The following BLTP3B variants were observed in gnomAD, a reference collection of about 807,000 sequenced individuals.
BLTP3B encodes bridge-like lipid transfer protein family member 3B.
chr12:100,118,473 G>C, the BLTP3B span, among the ~76,000 whole-genome samples: 1 of 152,034 alleles, frequency 6.6e-6, no homozygotes, highest in African/African-American at 2.4e-5. Context: ...ACAACCAAGA[G>C]GAGCCTAAAA....
the BLTP3B span, among the ~76,000 whole-genome samples, chr12:100,061,483 C>A: frequency 6.6e-6 from 1 of 152,082 alleles, no homozygotes; most frequent in Non-Finnish European, 1.5e-5. Context: ...CAGTGAAACC[C>A]CGTCTCTACT....
chr12:100,087,050 T>A, the BLTP3B span, among the ~76,000 whole-genome samples: 2 of 149,620 alleles, frequency 1.3e-5, no homozygotes, highest in African/African-American at 5.0e-5. Flanking sequence ...TCCCAGCTAC[T>A]TGGGAGGCTG....
chr12:100,081,318 A>C, the BLTP3B span, among the ~76,000 whole-genome samples: 1 of 152,176 alleles, frequency 6.6e-6, no homozygotes, highest in Non-Finnish European at 1.5e-5. Context: ...AATATATTTC[A>C]GTGGTTCTGT....
the BLTP3B span, chr12:100,047,403 T>C: frequency 1.6e-6 from 1 of 620,956 alleles, no homozygotes; most frequent in Non-Finnish European, 2.8e-6. Context: ...GAGGTTTAGG[T>C]AGGAGAATCA....
At chr12:100,059,919 C>T in the BLTP3B span, 2 of 1,612,512 alleles carry the variant, frequency 1.2e-6, no homozygotes, top group Non-Finnish European at 1.7e-6. Context: ...TCAACTTGTA[C>T]ACAGCCATGA....
At chr12:100,140,498 G>A in the BLTP3B span, among the ~76,000 whole-genome samples, 13 of 151,468 alleles carry the variant, frequency 8.6e-5, no homozygotes, top group Non-Finnish European at 1.3e-4. Context: ...CTGAGGTTGG[G>A]AGTTTGAGAC....
At chr12:100,051,732 A>G in the BLTP3B span, 1 of 152,276 alleles carries the variant, frequency 6.6e-6, no homozygotes, top group Non-Finnish European at 1.5e-5. Flanking sequence ...AGGGGTTAAG[A>G]AGACATCTCT....
the BLTP3B span, among the ~76,000 whole-genome samples, chr12:100,046,229 T>C: frequency 2.0e-5 from 3 of 152,184 alleles, no homozygotes; most frequent in Admixed American, 2.0e-4. Context: ...TTACTGGCTA[T>C]ATACCCAAAG....
At chr12:100,139,222 A>G in the BLTP3B span, among the ~76,000 whole-genome samples, 1 of 152,260 alleles carries the variant, frequency 6.6e-6, no homozygotes, top group African/African-American at 2.4e-5. Context: ...AGGAACAAGT[A>G]TATAGATTTA....
the BLTP3B span, among the ~76,000 whole-genome samples, chr12:100,040,757 ATAACTACC>A: frequency 6.6e-6 from 1 of 152,212 alleles, no homozygotes; most frequent in Non-Finnish European, 1.5e-5. Context: ...TAAAAAGACA[ATAACTACC>A]TAAATAGCCT....
At chr12:100,129,392 G>A in the BLTP3B span, among the ~76,000 whole-genome samples, 2 of 152,136 alleles carry the variant, frequency 1.3e-5, no homozygotes, top group Non-Finnish European at 2.9e-5. Context: ...TTCTATGGAG[G>A]CCAAAGTAGT....
chr12:100,100,489 T>C, the BLTP3B span, among the ~76,000 whole-genome samples: 389 of 152,022 alleles, frequency 2.6e-3, 2 homozygotes, highest in African/African-American at 8.7e-3. Flanking sequence ...GGGAGGAGGA[T>C]TGCTTGAGCC....
At chr12:100,130,961 T>TATAG in the BLTP3B span, among the ~76,000 whole-genome samples, 62 of 93,606 alleles carry the variant, frequency 6.6e-4, no homozygotes, top group African/African-American at 1.7e-3. Flanking sequence ...TATATATATA[T>TATAG]AGAGAGAGAG....
At chr12:100,061,453 C>T in the BLTP3B span, among the ~76,000 whole-genome samples, 1 of 151,916 alleles carries the variant, frequency 6.6e-6, no homozygotes, top group Non-Finnish European at 1.5e-5. Context: ...GTCAGGAGAT[C>T]GAGACCATCC....
the BLTP3B span, among the ~76,000 whole-genome samples, chr12:100,113,621 C>T: frequency 1.3e-5 from 2 of 152,012 alleles, no homozygotes; most frequent in East Asian, 3.9e-4. Context: ...TAGTTATGAT[C>T]CCCAATATGA....
At chr12:100,053,167 G>A in the BLTP3B span, among the ~76,000 whole-genome samples, 1 of 151,932 alleles carries the variant, frequency 6.6e-6, no homozygotes, top group Non-Finnish European at 1.5e-5. Flanking sequence ...CACTTTGGGA[G>A]GCTGAGGCGG....
At chr12:100,130,982 G>GAGAGA in the BLTP3B span, among the ~76,000 whole-genome samples, 26 of 62,214 alleles carry the variant, frequency 4.2e-4, no homozygotes, top group Admixed American at 7.5e-4. Context: ...AGAGAGGGAG[G>GAGAGA]GAGAGAGAGA....
chr12:100,057,154 T>C, the BLTP3B span, among the ~76,000 whole-genome samples: 1 of 152,218 alleles, frequency 6.6e-6, no homozygotes, highest in African/African-American at 2.4e-5. Context: ...TTTCCAAATA[T>C]AGGAGTCTCT....
the BLTP3B span, among the ~76,000 whole-genome samples, chr12:100,121,827 C>G: frequency 2.6e-5 from 4 of 151,978 alleles, no homozygotes; most frequent in East Asian, 7.7e-4. Flanking sequence ...GAAAGTCCGT[C>G]TCAAGAAAAA....
Sources: allele counts gnomAD v4.1 joint callset (sites outside exome capture counted in the v4.1 genomes callset), GRCh38; gene constraint gnomAD v4.1.1; transcripts MANE v1.5; gene names NCBI Gene and HGNC (gene_info 2026-07-23, HGNC 2026-07-21).